The following TCOF1 variants were observed in gnomAD, a reference collection of about 807,000 sequenced individuals.
The protein encoded by TCOF1 is treacle protein.
In TCOF1, 33 loss-of-function variants were observed where a neutral mutation model predicts 149.0. The observed-to-expected ratio is 0.22, with a 90% CI of 0.17 to 0.30. The LOEUF is 0.30. Ranked by LOEUF, TCOF1 falls within the 10% of genes least tolerant of loss-of-function variation. The pLI, the probability that TCOF1 is intolerant of heterozygous loss-of-function variation, is 1.00. For synonymous variants in TCOF1, 789 were observed against 738.8 expected (o/e 1.07, Z -1.10); for missense variants, 1,728 against 1,840.7 (o/e 0.94, Z 1.12).
At chr5:150,393,168 A>G (rs555009232) in intron 22 of TCOF1, 1 of 631,882 alleles carries the variant, frequency 1.6e-6, no homozygotes, top group Non-Finnish European at 2.8e-6. Context: ...CTGTCTAGAA[A>G]GTGTATTAAT....
rs1766607895 is a variant in TCOF1, at chr5:150,387,914, C to T, written c.2872C>T (p.Pro958Ser). ...TTTGTTTTTCAAGGTGATTAAACCC[C>T]CTCTGATTTTTGTCGACCCTAATCG... is the stretch of plus-strand genomic sequence containing the variant. ...AVTSAQVIKP[P>S]LIFVDPNRSP... is the part of the protein sequence containing the mutation. Residue 958 changes from proline (P) to serine (S), a missense_variant, in exon 18 of 27, where the codon CCT becomes TCT. Physicochemically the swap from Pro to Ser is moderately conservative, Grantham distance 74. Coordinates refer to ENST00000643257, the MANE Select transcript of TCOF1 (RefSeq NM_001371623.1). The T allele has an allele frequency of 6.2e-7, 1 of 1,613,840 alleles. No individual in the cohort carries two copies. Among genetic ancestry groups the T allele is most frequent in the Admixed American group, 1.7e-5 (1 of 60,004 alleles).
intron 23 of TCOF1, 164 bp downstream of exon 23, chr5:150,393,716 A>G (rs1767883426): frequency 7.4e-6 from 7 of 945,716 alleles, no homozygotes; most frequent in Non-Finnish European, 9.5e-6. Flanking sequence ...GAAGATGCTC[A>G]TCAAAGTGCA....
intron 3 of TCOF1, 186 bp from the exon 4 acceptor site, chr5:150,367,658 G>T: frequency 1.5e-6 from 1 of 662,688 alleles, no homozygotes; most frequent in Non-Finnish European, 2.7e-6. Flanking sequence ...CTTCTCTCTT[G>T]CTCCTGGTGG....
Position 150,369,530 on chromosome 5 carries a change from G to T in TCOF1, c.567G>T (p.Gly189=), listed in dbSNP as rs747282457. ...GTCCCCTCCGTGTCCGATCCTCAGG[G>T]ATGGTGTCAGCGGGCCAGGCCGACA... is the stretch of plus-strand genomic sequence containing the variant. The part of the protein sequence containing the change: ...VPAFGAAAKP[G]MVSAGQADSS... The change falls in exon 6 of 27, where the codon GGG becomes GGT. Residue 189 remains glycine (G), a splice_region_variant and synonymous_variant. Transcript: ENST00000643257. 2 of 1,614,146 alleles carry T rather than the reference G, an allele frequency of 1.2e-6. No homozygotes were observed. Among genetic ancestry groups the T allele is most frequent in the Middle Eastern group, 1.6e-4 (1 of 6,062 alleles).
rs769055076 is a variant in TCOF1 at position 150,375,366 on chromosome 5, G to C, written c.1516G>C (p.Val506Leu). The change falls in exon 11 of 27, where the codon GTG becomes CTG. Residue 506 changes from valine to leucine, a missense_variant. Transcript: ENST00000643257. ...GAAGCCCTTGGGGAAAAGCCCCCAG[G>C]TGAAACCTGCCTCTACCATGGGCAT... Reference protein sequence around the residue: ...QVKPLGKSPQVKPASTMGMGP... With the variant: ...QVKPLGKSPQLKPASTMGMGP... 6.2e-7 allele frequency: 1 copy of C among 1,612,122 alleles called. No homozygotes were observed. Among genetic ancestry groups the C allele is most frequent in the Non-Finnish European group, 8.5e-7 (1 of 1,179,672 alleles).
chr5:150,367,641 C>T, intron 3 of TCOF1: 1 of 621,054 alleles, frequency 1.6e-6, no homozygotes, highest in East Asian at 2.9e-5. Context: ...CTTCATGTTA[C>T]CATCCTCTTC....
intron 19 of TCOF1, among the ~76,000 whole-genome samples, chr5:150,390,477 A>G (rs1170606107): frequency 6.6e-6 from 1 of 152,080 alleles, no homozygotes; most frequent in Non-Finnish European, 1.5e-5. Context: ...CATTGTTTAG[A>G]TCATAAAACT....
At position 150,398,364 on chromosome 5, in the gene TCOF1, CAAA is replaced by C; in HGVS notation, c.4357_4359del (p.Lys1453del). 6.2e-7 allele frequency: 1 copy of C among 1,610,788 alleles called. No individual in the cohort carries two copies. The highest frequency in any genetic ancestry group is 8.5e-7 in the Non-Finnish European group (1 of 1,179,142). On this transcript the variant is annotated inframe_deletion, in exon 25 of 27. Transcript: ENST00000643257. ...CTTTACTTCCCTTAGGAAAAAAAGA[CAAA>C]GAAAAAAAAGAAAAGAAGAAGAAAG...
chr5:150,397,232 G>C (rs1225973195), intron 24 of TCOF1, among the ~76,000 whole-genome samples: 2 of 149,220 alleles, frequency 1.3e-5, no homozygotes, highest in African/African-American at 4.9e-5. Flanking sequence ...GCCCGAACTC[G>C]ATTCCAGAGC....
At position 150,375,088 on chromosome 5, in the gene TCOF1, G is replaced by A; in HGVS notation, c.1413G>A (p.Gln471=). Residue 471 remains glutamine, a synonymous_variant, in exon 10 of 27, where the codon CAG becomes CAA. Coordinates refer to ENST00000643257, the MANE Select transcript of TCOF1 (RefSeq NM_001371623.1). Reference sequence around the variant, plus strand: ...CCGCCCAGGTCCAGGTGGGGAAGCAGGAGGAGGACTCAAGAAGCAGCAGCG... The same window carrying A: ...CCGCCCAGGTCCAGGTGGGGAAGCAAGAGGAGGACTCAAGAAGCAGCAGCG... ...PAAAQVQVGK[Q]EEDSRSSSEE... 1.2e-6 allele frequency: 2 copies of A among 1,614,170 alleles called. No homozygotes were observed. Among genetic ancestry groups the A allele is most frequent in the African/African-American group, 1.3e-5 (1 of 75,052 alleles).
At chr5:150,376,725 C>CCT in intron 14 of TCOF1, 105 bp downstream of exon 14, 1 of 1,204,906 alleles carries the variant, frequency 8.3e-7, no homozygotes, top group Non-Finnish European at 1.2e-6. Context: ...TGTGCAGAAG[C>CCT]CTCAGAGGTA....
At chr5:150,388,758 C>T (rs138611579) in intron 18 of TCOF1, among the ~76,000 whole-genome samples, 2,160 of 150,246 alleles carry the variant, frequency 0.014, 20 homozygotes, top group Non-Finnish European at 0.02. Flanking sequence ...GGTAACATGG[C>T]GAAACCCCGT....
At chr5:150,387,830 C>T (rs779225763) in intron 17 of TCOF1, 72 bp from the exon 18 acceptor site, 11 of 1,605,174 alleles carry the variant, frequency 6.9e-6, no homozygotes, top group East Asian at 2.2e-5. Context: ...AAAACACTCC[C>T]TAACCCCATC....
In TCOF1 at chr5:150,388,007, G is replaced by A; in HGVS notation, c.2965G>A (p.Ala989Thr). The stretch of plus-strand genomic sequence containing the variant: ...TGCAAGCACCCCGAGGAAGGCCCGA[G>A]CCTCGGAGAGCACAGCCAGGAGCTC... Reference protein sequence around the residue: ...QAASTPRKARASESTARSSSS... With the variant: ...QAASTPRKARTSESTARSSSS... Residue 989 changes from alanine (A) to threonine (T), a missense_variant, in exon 18 of 27, where the codon GCC (alanine) becomes ACC (threonine). Coordinates refer to ENST00000643257, the MANE Select transcript of TCOF1 (RefSeq NM_001371623.1). The A allele has an allele frequency of 1.2e-6, 2 of 1,613,884 alleles. No homozygotes were observed. Among genetic ancestry groups the A allele is most frequent in the Non-Finnish European group, 1.7e-6 (2 of 1,180,038 alleles).
At chr5:150,380,285 T>C in intron 17 of TCOF1, 3 of 170,138 alleles carry the variant, frequency 1.8e-5, no homozygotes, top group South Asian at 2.7e-4. Flanking sequence ...TATATCTAGG[T>C]CGAGGTCTCC....
At position 150,387,396 on chromosome 5, in the gene TCOF1, T is replaced by C. The variant is rs555135212; in HGVS notation, c.2860-506T>C. Among the ~76,000 whole-genome samples the C allele has an allele frequency of 4.6e-5, 7 of 152,354 alleles. No homozygotes were observed. The East Asian group carries it at 9.6e-4, about 21-fold the overall frequency. Reference sequence around the variant, plus strand: ...ATCCTGGGCCATGTATCAGGAGGGCTGCATCAGAACCTCTGGGGTTGGGGC... The same window carrying C: ...ATCCTGGGCCATGTATCAGGAGGGCCGCATCAGAACCTCTGGGGTTGGGGC... On this transcript the variant is annotated intron_variant, in intron 17 of 26. Transcript: ENST00000643257.
In TCOF1 at chr5:150,399,074, C is replaced by T. The variant is rs1404867866; in HGVS notation, c.*22+4C>T. Reference sequence around the variant, plus strand: ...CGAGCACCAGCACCAGGCACAGGTACGCTTCCCAATCATTCCTGAGCATTC... The same window carrying T: ...CGAGCACCAGCACCAGGCACAGGTATGCTTCCCAATCATTCCTGAGCATTC... On this transcript the variant is annotated splice_donor_region_variant and intron_variant, in intron 26 of 26. Coordinates refer to ENST00000643257, the MANE Select transcript of TCOF1 (RefSeq NM_001371623.1). The T allele has an allele frequency of 1.1e-5, 18 of 1,614,106 alleles. No homozygotes were observed. In the East Asian group the frequency reaches 2.0e-4, roughly 18 times the overall value.
intron 2 of TCOF1, among the ~76,000 whole-genome samples, chr5:150,361,450 G>C (rs1215545290): frequency 6.6e-6 from 1 of 152,210 alleles, no homozygotes; most frequent in Non-Finnish European, 1.5e-5. Context: ...TCACCAGCTT[G>C]TCAGTTGCTC....
In TCOF1 at chr5:150,379,569, C is replaced by T; in HGVS notation, c.2696C>T (p.Ala899Val). The change falls in exon 17 of 27, where the codon GCC becomes GTC. Residue 899 changes from alanine (A) to valine (V), a missense_variant. Transcript: ENST00000643257. ...GGGAAGACCCACCAGATCAGAGCTG[C>T]CTTGGCTCCTGCCAAGGAGTCCCCC... is the stretch of plus-strand genomic sequence containing the variant. ...PSGKTHQIRAALAPAKESPRK... is the reference protein window; with the variant it reads ...PSGKTHQIRAVLAPAKESPRK... 1 of 1,614,166 alleles carries T rather than the reference C, an allele frequency of 6.2e-7. No individual in the cohort carries two copies. Among genetic ancestry groups the T allele is most frequent in the Non-Finnish European group, 8.5e-7 (1 of 1,180,028 alleles).
Sources: gnomAD v4.1 joint callset for allele counts (sites outside exome capture counted in the v4.1 genomes callset) on GRCh38, gnomAD v4.1.1 for gene constraint, MANE v1.5 for transcripts, NCBI Gene and HGNC (gene_info 2026-07-23, HGNC 2026-07-21) for gene names.